ZBTB20: variants seen among roughly 807,000 people sequenced by gnomAD.
ZBTB20 encodes zinc finger and BTB domain-containing protein 20.
Under a neutral mutation model 56.9 loss-of-function variants are expected in ZBTB20, and 9 were observed. The ratio of observed to expected loss-of-function variants is 0.16; its 90% CI spans 0.10 to 0.28. The LOEUF is 0.28. Among genes scored for constraint, ZBTB20 ranks in the 10% least tolerant of loss-of-function variants. The pLI, the probability that ZBTB20 is intolerant of heterozygous loss-of-function variation, is 1.00. For missense variants in ZBTB20, 655 were observed against 1,003.0 expected, an observed-to-expected ratio of 0.65 and a Z score of 4.69; for synonymous variants, 417 against 420.7, an observed-to-expected ratio of 0.99 and a Z score of 0.11.
rs755819520 is a variant in ZBTB20 at position 114,324,453 on chromosome 3, T to G, written c.*14552A>C. On this transcript the variant is annotated 3_prime_UTR_variant, in exon 12 of 12. Transcript: ENST00000675478. ...ATAGGTACACTAGGAGCACTCACTT[T>G]TCTACATTGATCACTTTTTCCCTCA... 1 of 152,174 alleles carries G rather than the reference T, an allele frequency of 6.6e-6. No homozygotes were observed. The highest frequency in any genetic ancestry group is 1.5e-5 in the Non-Finnish European group (1 of 68,034). 9.4% of individuals were successfully genotyped at this position (152,174 alleles called of 1,614,324 possible).
chr3:114,912,122 T>A (rs536745557), intron 3 of ZBTB20, among the ~76,000 whole-genome samples: 2,348 of 61,238 alleles, frequency 0.038, 32 homozygotes, highest in Non-Finnish European at 0.06. Context: ...AGATTCAAAG[T>A]GCTAAAAGAA....
chr3:115,044,896 T>C (rs1046021380), intron 2 of ZBTB20, among the ~76,000 whole-genome samples: 4 of 152,202 alleles, frequency 2.6e-5, no homozygotes, highest in African/African-American at 9.6e-5. Flanking sequence ...ATGTACTCAT[T>C]TGTAGGTGGT....
chr3:114,597,922 T>A (rs1452131953), intron 6 of ZBTB20, among the ~76,000 whole-genome samples: 1 of 152,162 alleles, frequency 6.6e-6, no homozygotes, highest in South Asian at 2.1e-4. Context: ...TTTCCTGCCA[T>A]GGGAAAAATA....
intron 2 of ZBTB20, among the ~76,000 whole-genome samples, chr3:115,030,634 T>C (rs538302940): frequency 1.3e-5 from 2 of 150,952 alleles, no homozygotes; most frequent in Admixed American, 1.3e-4. Context: ...ATAAGAAGTC[T>C]GAAAGAAAAA....
At chr3:114,650,310 A>C (rs2060064528) in intron 6 of ZBTB20, among the ~76,000 whole-genome samples, 1 of 151,984 alleles carries the variant, frequency 6.6e-6, no homozygotes, top group South Asian at 2.1e-4. Context: ...AAAATTGAAA[A>C]TAATCTTTAG....
intron 7 of ZBTB20, among the ~76,000 whole-genome samples, chr3:114,444,919 A>G (rs1215214531): frequency 1.3e-5 from 2 of 152,068 alleles, no homozygotes; most frequent in Non-Finnish European, 2.9e-5. Flanking sequence ...ATATATATGT[A>G]TTTTCAAATT....
rs1238698085 is a variant in ZBTB20 at position 115,043,701 on chromosome 3, A to G, written c.-507+27518T>C. The stretch of plus-strand genomic sequence containing the variant: ...TCTAACATATAGGAGTAGAATTTTG[A>G]GATATAAAGTTTTACTCCACATTTT... On this transcript the variant is annotated intron_variant, in intron 2 of 11. Transcript: ENST00000675478. 3.3e-5 allele frequency among the ~76,000 whole-genome samples: 5 copies of G among 152,164 alleles called. No individual in the cohort carries two copies. The East Asian group carries it at 5.8e-4, about 18-fold the overall frequency.
chr3:114,483,685 T>C (rs867741371), intron 7 of ZBTB20, among the ~76,000 whole-genome samples: 30 of 152,186 alleles, frequency 2.0e-4, no homozygotes, highest in African/African-American at 6.5e-4. Flanking sequence ...CCTCATCATG[T>C]AGGACATGGG....
intron 2 of ZBTB20, among the ~76,000 whole-genome samples, chr3:114,991,955 C>G (rs1339538429): frequency 6.6e-6 from 1 of 151,718 alleles, no homozygotes; most frequent in Non-Finnish European, 1.5e-5. Flanking sequence ...TCCATTTGCT[C>G]CGTAGATCTT....
At chr3:114,879,679 T>C (rs751003336) in intron 4 of ZBTB20, among the ~76,000 whole-genome samples, 15 of 152,218 alleles carry the variant, frequency 9.9e-5, no homozygotes, top group Non-Finnish European at 1.5e-4. Context: ...TCCTTATTTA[T>C]ACGGATTTGA....
intron 2 of ZBTB20, among the ~76,000 whole-genome samples, chr3:115,061,584 C>A (rs370831084): frequency 6.6e-6 from 1 of 152,074 alleles, no homozygotes; most frequent in Non-Finnish European, 1.5e-5. Context: ...TCATCTCTGC[C>A]TTCTCTGTGT....
intron 3 of ZBTB20, among the ~76,000 whole-genome samples, chr3:114,904,538 G>A (rs896998221): frequency 7.2e-5 from 11 of 151,904 alleles, no homozygotes; most frequent in Admixed American, 3.3e-4. Flanking sequence ...AGAGCTGGAT[G>A]TTGTATCATT....
At chr3:114,980,368 C>A (rs1435329675) in intron 2 of ZBTB20, among the ~76,000 whole-genome samples, 1 of 151,834 alleles carries the variant, frequency 6.6e-6, no homozygotes, top group Admixed American at 6.6e-5. Flanking sequence ...AGTTTTTGGG[C>A]TTGAAATGTA....
chr3:115,054,136 A>T (rs960300050), intron 2 of ZBTB20, among the ~76,000 whole-genome samples: 1 of 152,150 alleles, frequency 6.6e-6, no homozygotes, highest in African/African-American at 2.4e-5. Flanking sequence ...CAAGACAGAA[A>T]GCCTATGACT....
chr3:114,881,067 T>G (rs1380884559), intron 4 of ZBTB20, among the ~76,000 whole-genome samples: 1 of 152,074 alleles, frequency 6.6e-6, no homozygotes, highest in East Asian at 1.9e-4. Flanking sequence ...CTAATCCCTC[T>G]CTCCTACTTA....
At chr3:114,690,698 A>G (rs1361932082) in intron 6 of ZBTB20, among the ~76,000 whole-genome samples, 1 of 152,178 alleles carries the variant, frequency 6.6e-6, no homozygotes, top group Admixed American at 6.6e-5. Context: ...TCAGATTTTT[A>G]TTATATAATT....
intron 5 of ZBTB20, among the ~76,000 whole-genome samples, chr3:114,737,178 CA>C (rs1373442223): frequency 1.3e-5 from 2 of 152,038 alleles, no homozygotes; most frequent in Non-Finnish European, 2.9e-5. Context: ...GTCTATGACA[CA>C]AAAGTTTGTG....
intron 2 of ZBTB20, among the ~76,000 whole-genome samples, chr3:115,028,962 A>T (rs779343794): frequency 2.7e-5 from 4 of 150,658 alleles, no homozygotes; most frequent in South Asian, 2.1e-4. Context: ...AAGCTCCAGC[A>T]ATACCACCTA....
chr3:114,950,241 C>T (rs1248684738), intron 3 of ZBTB20, among the ~76,000 whole-genome samples: 1 of 152,214 alleles, frequency 6.6e-6, no homozygotes, highest in East Asian at 1.9e-4. Flanking sequence ...TTTTCCTATA[C>T]ATAAATACCT....
Sources: gnomAD v4.1 joint callset for allele counts (sites outside exome capture counted in the v4.1 genomes callset) on GRCh38, gnomAD v4.1.1 for gene constraint, MANE v1.5 for transcripts, NCBI Gene and HGNC (gene_info 2026-07-23, HGNC 2026-07-21) for gene names.